TMOD3: variants seen among roughly 807,000 people sequenced by gnomAD.
The protein encoded by TMOD3 is tropomodulin 3, also known as tropomodulin-3.
Under a neutral mutation model 39.2 loss-of-function variants are expected in TMOD3, and 20 were observed. The ratio of observed to expected loss-of-function variants is 0.51; its 90% confidence interval spans 0.36 to 0.74. TMOD3 has a LOEUF of 0.74. TMOD3 is among the 30% of genes least tolerant of loss of function. The pLI is 0.00. For missense variants in TMOD3, 381 were observed against 412.8 expected (o/e 0.92, Z 0.67); for synonymous variants, 143 against 145.8 (o/e 0.98, Z 0.14).
chr15:51,832,185 C>CT (rs1338315216), intron 1 of TMOD3, among the ~76,000 whole-genome samples: 5 of 84,908 alleles, frequency 5.9e-5, no homozygotes, highest in Non-Finnish European at 1.3e-4. Flanking sequence ...CCCTGTCTCT[C>CT]TAAAAAAAGA....
At chr15:51,856,606 A>T in intron 1 of TMOD3, among the ~76,000 whole-genome samples, 1 of 149,348 alleles carries the variant, frequency 6.7e-6, no homozygotes, top group South Asian at 2.1e-4. Context: ...TATTAAGGGC[A>T]TTTTTTTTTT....
At chr15:51,848,379 G>C (rs982506607) in intron 1 of TMOD3, among the ~76,000 whole-genome samples, 6 of 152,118 alleles carry the variant, frequency 3.9e-5, no homozygotes, top group Admixed American at 2.0e-4. Context: ...AGAATACATA[G>C]ATGACTGTCT....
intron 3 of TMOD3, among the ~76,000 whole-genome samples, chr15:51,881,850 CTAAGAGTTT>C (rs1410449450): frequency 1.3e-5 from 2 of 151,746 alleles, no homozygotes; most frequent in Non-Finnish European, 2.9e-5. Context: ...ATGTTTTTTC[CTAAGAGTTT>C]TATAGTTTAG....
intron 2 of TMOD3, among the ~76,000 whole-genome samples, chr15:51,863,859 C>G (rs1378963765): frequency 1.3e-5 from 2 of 152,220 alleles, no homozygotes; most frequent in East Asian, 3.9e-4. Flanking sequence ...GGAAAAGTTC[C>G]CAGTACATCT....
intron 9 of TMOD3, among the ~76,000 whole-genome samples, 165 bp from the exon 10 acceptor site, chr15:51,908,608 GGTT>G (rs2056693901): frequency 1.3e-5 from 2 of 149,966 alleles, no homozygotes; most frequent in African/African-American, 4.9e-5. Context: ...ATGGGAAGTA[GGTT>G]GTTTTTTTTT....
chr15:51,860,450 A>C lies in TMOD3; in HGVS notation c.-74-2361A>C, dbSNP rs1179815999. ...TCAGCTCCATCCTAAAGTAGTCTTG[A>C]TAAAGTTTTGGGCCCTCTGGATGAA... On this transcript the variant is annotated intron_variant, in intron 1 of 9. Coordinates refer to ENST00000308580, the MANE Select transcript of TMOD3 (RefSeq NM_014547.5). The C allele has an allele frequency of 3.4e-5, 19 of 564,116 alleles. No individual in the cohort carries two copies. In the East Asian group the frequency reaches 7.5e-4, roughly 22 times the overall value. 34.9% of individuals were successfully genotyped at this position (564,116 alleles called of 1,614,324 possible).
chr15:51,869,649 T>C (rs1216507780), intron 3 of TMOD3, among the ~76,000 whole-genome samples: 1 of 152,224 alleles, frequency 6.6e-6, no homozygotes, highest in Non-Finnish European at 1.5e-5. Flanking sequence ...AAAAGTATAT[T>C]GAAGGAAACT....
At chr15:51,838,962 A>G (rs2056299738) in intron 1 of TMOD3, among the ~76,000 whole-genome samples, 1 of 152,078 alleles carries the variant, frequency 6.6e-6, no homozygotes, top group Non-Finnish European at 1.5e-5. Context: ...GCTGTGAAAG[A>G]TGTGGCTTTG....
chr15:51,876,195 G>A (rs1388062388), intron 3 of TMOD3, among the ~76,000 whole-genome samples: 1 of 152,080 alleles, frequency 6.6e-6, no homozygotes, highest in Non-Finnish European at 1.5e-5. Context: ...AAGAGACAGG[G>A]TCTTGCTCTG....
At chr15:51,890,338 T>A (rs1158514905) in intron 5 of TMOD3, among the ~76,000 whole-genome samples, 1 of 48,984 alleles carries the variant, frequency 2.0e-5, no homozygotes, top group South Asian at 5.1e-4. Flanking sequence ...GTCCAGCTAA[T>A]TTTTTTTTTT....
intron 3 of TMOD3, among the ~76,000 whole-genome samples, chr15:51,878,538 G>T (rs1450516274): frequency 1.3e-5 from 2 of 152,128 alleles, no homozygotes; most frequent in African/African-American, 4.8e-5. Context: ...CCCTGTTAAA[G>T]TATTAACTCC....
chr15:51,865,905 T>A (rs767376705), intron 2 of TMOD3, among the ~76,000 whole-genome samples: 67 of 152,062 alleles, frequency 4.4e-4, no homozygotes, highest in Non-Finnish European at 7.2e-4. Flanking sequence ...AAAAAAAAAA[T>A]ATATATATAT....
In TMOD3 at chr15:51,901,992, C is replaced by T; in HGVS notation, c.980C>T (p.Pro327Leu). The change falls in exon 9 of 10, where the codon CCA becomes CTA. Residue 327 changes from proline to leucine, a missense_variant. Physicochemically the swap from Pro to Leu is moderately conservative, Grantham distance 98. Coordinates refer to ENST00000308580, the MANE Select transcript of TMOD3 (RefSeq NM_014547.5). ...KFGYQFTQQG[P>L]RTRAANAITK... ...GGATATCAGTTTACACAGCAGGGACCACGAACCAGAGCAGCTAATGCTATA... is the reference window on the plus strand; with the variant it reads ...GGATATCAGTTTACACAGCAGGGACTACGAACCAGAGCAGCTAATGCTATA... 6.2e-7 allele frequency: 1 copy of T among 1,614,092 alleles called. No individual in the cohort carries two copies. The highest frequency in any genetic ancestry group is 8.5e-7 in the Non-Finnish European group (1 of 1,180,018).
chr15:51,852,302 G>A (rs1189117813), intron 1 of TMOD3, among the ~76,000 whole-genome samples: 1 of 152,132 alleles, frequency 6.6e-6, no homozygotes, highest in Non-Finnish European at 1.5e-5. Flanking sequence ...CCTAGGAGAA[G>A]CCAGTGAGGA....
chr15:51,894,879 A>G (rs1318813423), intron 6 of TMOD3, among the ~76,000 whole-genome samples: 1 of 152,194 alleles, frequency 6.6e-6, no homozygotes, highest in African/African-American at 2.4e-5. Flanking sequence ...TCTCTTGAGT[A>G]AACACCTAGG....
intron 3 of TMOD3, among the ~76,000 whole-genome samples, chr15:51,875,611 C>CTTTT (rs34898032): frequency 4.3e-5 from 5 of 116,098 alleles, no homozygotes; most frequent in East Asian, 2.4e-4. Context: ...AAAGTACTGC[C>CTTTT]TTTTTTTTTT....
intron 1 of TMOD3, among the ~76,000 whole-genome samples, chr15:51,855,533 G>A (rs2141678601): frequency 6.6e-6 from 1 of 152,330 alleles, no homozygotes; most frequent in Non-Finnish European, 1.5e-5. Flanking sequence ...AAAAAGTTGT[G>A]TTTTTCTTAA....
chr15:51,895,290 C>T (rs938409383), intron 6 of TMOD3, among the ~76,000 whole-genome samples: 2 of 150,188 alleles, frequency 1.3e-5, no homozygotes, highest in South Asian at 2.1e-4. Flanking sequence ...GATCTTGGCT[C>T]ACTGCAACCT....
At chr15:51,845,560 A>G (rs2056331739) in intron 1 of TMOD3, among the ~76,000 whole-genome samples, 1 of 152,136 alleles carries the variant, frequency 6.6e-6, no homozygotes, top group Admixed American at 6.6e-5. Context: ...ATTTTAGACC[A>G]GCCTGGGCAA....
Sources: allele counts gnomAD v4.1 joint callset (sites outside exome capture counted in the v4.1 genomes callset), GRCh38; gene constraint gnomAD v4.1.1; transcripts MANE v1.5; gene names NCBI Gene and HGNC (gene_info 2026-07-23, HGNC 2026-07-21).